The following GUCA1C variants were observed in gnomAD, a reference collection of about 807,000 sequenced individuals.
GUCA1C encodes guanylate cyclase activator 1C.
GUCA1C carries 15 observed loss-of-function variants against 16.2 expected under a neutral mutation model. The ratio of observed to expected loss-of-function variants is 0.93; its 90% CI spans 0.62 to 1.43. The LOEUF is 1.43. GUCA1C is among the 40% of genes most tolerant of loss of function. The probability of loss-of-function intolerance (pLI) is 0.00; values close to 1 mark genes in which losing one functional copy is unlikely to be tolerated. For synonymous variants in GUCA1C, 78 were observed against 85.4 expected (o/e 0.91, Z 0.48); for missense variants, 275 against 244.8 (o/e 1.12, Z -0.82).
intron 1 of GUCA1C, among the ~76,000 whole-genome samples, chr3:108,922,160 AACACACACACACACACACAC>A (rs56788372): frequency 1.1e-3 from 57 of 52,122 alleles, no homozygotes; most frequent in Admixed American, 8.7e-4. Flanking sequence ...CACATACACA[AACACACACACACACACACAC>A]ACACACACAC....
At chr3:108,916,989 C>G (rs1271208623) in intron 2 of GUCA1C, among the ~76,000 whole-genome samples, 4 of 152,156 alleles carry the variant, frequency 2.6e-5, no homozygotes. Context: ...AAATATGACT[C>G]TCTCTCTCTT....
chr3:108,919,562 T>C (rs187101884), intron 2 of GUCA1C, among the ~76,000 whole-genome samples: 21 of 152,326 alleles, frequency 1.4e-4, no homozygotes, highest in Non-Finnish European at 2.8e-4. Flanking sequence ...TTGAATTCTT[T>C]CCATATGTTG....
intron 2 of GUCA1C, among the ~76,000 whole-genome samples, chr3:108,918,831 C>T (rs1280865636): frequency 6.6e-6 from 1 of 152,000 alleles, no homozygotes; most frequent in Non-Finnish European, 1.5e-5. Flanking sequence ...TCCTAGGCTA[C>T]CAATTTCTCA....
intron 2 of GUCA1C, 23 bp from the exon 3 acceptor site, chr3:108,916,237 A>G (rs998068217): frequency 6.3e-7 from 1 of 1,599,838 alleles, no homozygotes; most frequent in African/African-American, 1.3e-5. Flanking sequence ...ATTAAATGAA[A>G]GAGGTCAACT....
At chr3:108,944,173 G>C (rs957612321) in intron 1 of GUCA1C, among the ~76,000 whole-genome samples, 1 of 152,028 alleles carries the variant, frequency 6.6e-6, no homozygotes, top group Non-Finnish European at 1.5e-5. Flanking sequence ...AATATATATG[G>C]GGAAAAAAAG....
chr3:108,946,649 C>T (rs9825678), intron 1 of GUCA1C, among the ~76,000 whole-genome samples: 23,310 of 151,874 alleles, frequency 0.15, 1,962 homozygotes, highest in Middle Eastern at 0.26. Flanking sequence ...AGCTAAATAC[C>T]GGTTTATAGG....
intron 1 of GUCA1C, among the ~76,000 whole-genome samples, chr3:108,951,241 ATTATAC>A (rs1341971287): frequency 1.3e-5 from 2 of 152,258 alleles, no homozygotes; most frequent in African/African-American, 2.4e-5. Context: ...CAGTAATAAA[ATTATAC>A]TTATACGCAA....
At chr3:108,950,963 T>C (rs747889127) in intron 1 of GUCA1C, among the ~76,000 whole-genome samples, 7 of 152,090 alleles carry the variant, frequency 4.6e-5, no homozygotes, top group Non-Finnish European at 8.8e-5. Flanking sequence ...ATGACCCTGA[T>C]ATATTAAGGA....
chr3:108,912,727 T>A (rs1028781054), intron 3 of GUCA1C, among the ~76,000 whole-genome samples: 3 of 114,998 alleles, frequency 2.6e-5, no homozygotes, highest in African/African-American at 6.5e-5. Flanking sequence ...AAAAAAAAAA[T>A]TCTAGATACC....
chr3:108,947,049 G>T lies in GUCA1C; in HGVS notation c.204+6510C>A, dbSNP rs545060022. On this transcript the variant is annotated intron_variant, in intron 1 of 3. Coordinates refer to ENST00000261047, the MANE Select transcript of GUCA1C (RefSeq NM_005459.4). Reference sequence around the variant, plus strand: ...TGTTCTCACCACAAAGAAATGATAAGTATGTGAGATGATGTATATTTTAAT... The same window carrying T: ...TGTTCTCACCACAAAGAAATGATAATTATGTGAGATGATGTATATTTTAAT... Among the ~76,000 whole-genome samples the T allele has an allele frequency of 2.6e-5, 4 of 152,196 alleles. No individual in the cohort carries two copies. The East Asian group carries it at 7.7e-4, about 29-fold the overall frequency.
At chr3:108,926,787 T>A (rs547702338) in intron 1 of GUCA1C, among the ~76,000 whole-genome samples, 7 of 151,934 alleles carry the variant, frequency 4.6e-5, no homozygotes, top group Non-Finnish European at 1.0e-4. Context: ...GCCTGTTTTT[T>A]TTTTTTTCTT....
intron 1 of GUCA1C, among the ~76,000 whole-genome samples, chr3:108,936,366 G>T (rs1946727878): frequency 1.3e-5 from 2 of 152,226 alleles, no homozygotes; most frequent in Middle Eastern, 3.4e-3. Context: ...AAAAGCCTAT[G>T]TCCTGGACAC....
chr3:108,940,435 AG>A (rs1376038257), intron 1 of GUCA1C, among the ~76,000 whole-genome samples: 1 of 152,186 alleles, frequency 6.6e-6, no homozygotes, highest in Non-Finnish European at 1.5e-5. Context: ...AGATAACCAA[AG>A]GTCACTTCTG....
chr3:108,935,130 A>G (rs1946712293), intron 1 of GUCA1C, among the ~76,000 whole-genome samples: 1 of 151,906 alleles, frequency 6.6e-6, no homozygotes. Flanking sequence ...GCTCTTAAGT[A>G]GGAGCTAAAC....
chr3:108,912,237 G>A (rs574363038), intron 3 of GUCA1C, among the ~76,000 whole-genome samples: 9 of 151,834 alleles, frequency 5.9e-5, no homozygotes, highest in African/African-American at 2.2e-4. Flanking sequence ...GACTTACCGA[G>A]GCACTTTCTG....
At chr3:108,934,939 G>A (rs946443577) in intron 1 of GUCA1C, among the ~76,000 whole-genome samples, 2 of 143,948 alleles carry the variant, frequency 1.4e-5, no homozygotes, top group Non-Finnish European at 3.0e-5. Flanking sequence ...TCAGCCTCCC[G>A]AGTAGCTGGG....
chr3:108,911,038 G>A (rs1946447871), intron 3 of GUCA1C, among the ~76,000 whole-genome samples: 1 of 152,152 alleles, frequency 6.6e-6, no homozygotes, highest in South Asian at 2.1e-4. Context: ...AATCTACGTT[G>A]TTTAGGGCTA....
At chr3:108,924,198 T>C (rs1360532985) in intron 1 of GUCA1C, among the ~76,000 whole-genome samples, 2 of 152,208 alleles carry the variant, frequency 1.3e-5, no homozygotes, top group African/African-American at 2.4e-5. Context: ...TGAACAGAAG[T>C]GGTGAAAGTG....
At chr3:108,926,528 T>C (rs1946624815) in intron 1 of GUCA1C, among the ~76,000 whole-genome samples, 2 of 152,248 alleles carry the variant, frequency 1.3e-5, no homozygotes, top group Admixed American at 6.5e-5. Flanking sequence ...TCCCCCAGGC[T>C]GGAGTGCAGT....
Sources: gnomAD v4.1 joint callset for allele counts (sites outside exome capture counted in the v4.1 genomes callset) on GRCh38, gnomAD v4.1.1 for gene constraint, MANE v1.5 for transcripts, NCBI Gene and HGNC (gene_info 2026-07-23, HGNC 2026-07-21) for gene names.